The following ZFYVE9 variants were observed in gnomAD, a reference collection of about 807,000 sequenced individuals.
ZFYVE9 encodes zinc finger FYVE-type containing 9.
ZFYVE9 carries 43 observed loss-of-function variants against 126.7 expected under a neutral mutation model. The observed-to-expected ratio is 0.34, with a 90% CI of 0.27 to 0.44. ZFYVE9 has a LOEUF of 0.44. Ranked by LOEUF, ZFYVE9 falls within the 20% of genes least tolerant of loss-of-function variation. The probability of loss-of-function intolerance (pLI) is 1.00; values close to 1 mark genes in which losing one functional copy is unlikely to be tolerated. For missense variants in ZFYVE9, 1,476 were observed against 1,697.0 expected, an observed-to-expected ratio of 0.87 and a Z score of 2.29; for synonymous variants, 521 against 597.4, an observed-to-expected ratio of 0.87 and a Z score of 1.87.
At chr1:52,169,438 C>T (rs1369410557) in intron 1 of ZFYVE9, among the ~76,000 whole-genome samples, 1 of 152,036 alleles carries the variant, frequency 6.6e-6, no homozygotes, top group Non-Finnish European at 1.5e-5. Context: ...AAATTTTCCT[C>T]TCTCTTTATT....
At chr1:52,299,285 G>A (rs1195306281) in intron 12 of ZFYVE9, among the ~76,000 whole-genome samples, 4 of 151,966 alleles carry the variant, frequency 2.6e-5, no homozygotes, top group Admixed American at 2.0e-4. Flanking sequence ...CAACTTTACC[G>A]AATTTGTTCA....
chr1:52,324,410 A>G (rs111393111), intron 13 of ZFYVE9, among the ~76,000 whole-genome samples: 7 of 152,370 alleles, frequency 4.6e-5, no homozygotes, highest in African/African-American at 1.7e-4. Flanking sequence ...GTACGTATTT[A>G]CATTTTTCTT....
At chr1:52,305,780 C>T (rs1394748669) in intron 13 of ZFYVE9, among the ~76,000 whole-genome samples, 2 of 152,118 alleles carry the variant, frequency 1.3e-5, no homozygotes, top group Admixed American at 6.5e-5. Flanking sequence ...TTGGGAAGGC[C>T]CCCCTCCCTT....
chr1:52,249,249 C>G (rs1332234198), intron 4 of ZFYVE9, among the ~76,000 whole-genome samples: 1 of 152,154 alleles, frequency 6.6e-6, no homozygotes, highest in Non-Finnish European at 1.5e-5. Context: ...CATAAATTAT[C>G]CAGTCTCCAG....
At chr1:52,208,279 G>T (rs1403970305) in intron 1 of ZFYVE9, among the ~76,000 whole-genome samples, 1 of 152,146 alleles carries the variant, frequency 6.6e-6, no homozygotes, top group Non-Finnish European at 1.5e-5. Context: ...TGTTCATTTG[G>T]ATTAAATATC....
chr1:52,184,393 A>AT (rs57242903), intron 1 of ZFYVE9, among the ~76,000 whole-genome samples: 5,873 of 114,930 alleles, frequency 0.051, 309 homozygotes, highest in African/African-American at 0.14. Context: ...AGTCCAGCTA[A>AT]TTTTTTTTTT....
At chr1:52,177,918 C>G (rs1041620140) in intron 1 of ZFYVE9, among the ~76,000 whole-genome samples, 1 of 150,374 alleles carries the variant, frequency 6.7e-6, no homozygotes, top group African/African-American at 2.4e-5. Context: ...TTATGAAAGA[C>G]TTCATATACT....
chr1:52,226,094 A>G (rs1446206781), intron 2 of ZFYVE9, among the ~76,000 whole-genome samples: 2 of 152,178 alleles, frequency 1.3e-5, no homozygotes, highest in Non-Finnish European at 2.9e-5. Flanking sequence ...AAGTTTACAT[A>G]GCATGCAGGG....
chr1:52,286,487 G>A (rs1278300195), intron 10 of ZFYVE9, among the ~76,000 whole-genome samples: 1 of 152,172 alleles, frequency 6.6e-6, no homozygotes, highest in African/African-American at 2.4e-5. Context: ...ATTCTGCAGT[G>A]GAGGGAAACA....
chr1:52,182,559 G>A (rs906198794), intron 1 of ZFYVE9, among the ~76,000 whole-genome samples: 1 of 151,964 alleles, frequency 6.6e-6, no homozygotes. Context: ...CAGCATGCTT[G>A]TTAAGAGTCA....
chr1:52,326,693 CAAAA>C (rs34479038), intron 13 of ZFYVE9, among the ~76,000 whole-genome samples: 3 of 102,934 alleles, frequency 2.9e-5, no homozygotes, highest in South Asian at 3.5e-4. Context: ...TACTCAATAC[CAAAA>C]AAAAAAAAAA....
At chr1:52,153,865 C>G (rs1163052294) in intron 1 of ZFYVE9, among the ~76,000 whole-genome samples, 1 of 152,182 alleles carries the variant, frequency 6.6e-6, no homozygotes, top group Admixed American at 6.5e-5. Flanking sequence ...ATTTCCCTTT[C>G]CACTTCTTGG....
intron 4 of ZFYVE9, among the ~76,000 whole-genome samples, chr1:52,242,108 T>G (rs1645340327): frequency 6.7e-6 from 1 of 148,658 alleles, no homozygotes; most frequent in Non-Finnish European, 1.5e-5. Context: ...CTCAGTTCAC[T>G]GCAACCTCTG....
chr1:52,215,341 A>G (rs952667660), intron 1 of ZFYVE9, among the ~76,000 whole-genome samples: 2 of 152,134 alleles, frequency 1.3e-5, no homozygotes, highest in Non-Finnish European at 2.9e-5. Flanking sequence ...ATATTTTTCT[A>G]GTTCTCAAGA....
At position 52,285,389 on chromosome 1, in the gene ZFYVE9, A is replaced by G. The variant is rs370643487; in HGVS notation, c.3025+3573A>G. On this transcript the variant is annotated intron_variant, in intron 10 of 18. Transcript: ENST00000287727. ...ATTGGTCCGTGGCCTGTTAGGAACC[A>G]GGCCACACAGCAGAGGTGAGGGGCA... Among the ~76,000 whole-genome samples, 4 of 152,282 alleles carry G rather than the reference A, an allele frequency of 2.6e-5. No individual in the cohort carries two copies. The East Asian group carries it at 7.7e-4, about 29-fold the overall frequency.
intron 8 of ZFYVE9, among the ~76,000 whole-genome samples, chr1:52,276,022 C>T (rs1162451162): frequency 3.3e-5 from 5 of 151,616 alleles, no homozygotes; most frequent in African/African-American, 1.2e-4. Flanking sequence ...GTTCTCCTGC[C>T]TCAGTCTCCT....
intron 1 of ZFYVE9, among the ~76,000 whole-genome samples, chr1:52,144,241 C>T (rs957690223): frequency 1.3e-5 from 2 of 152,116 alleles, no homozygotes; most frequent in African/African-American, 4.8e-5. Context: ...ATCATTTGAA[C>T]CTGGGAGGCA....
intron 1 of ZFYVE9, among the ~76,000 whole-genome samples, chr1:52,151,579 G>C (rs189770091): frequency 1.1e-3 from 164 of 149,426 alleles, no homozygotes; most frequent in Admixed American, 0.011. Context: ...GCAGTGGTGT[G>C]GTCTCGGCTC....
chr1:52,336,165 G>T (rs565655746), intron 15 of ZFYVE9, among the ~76,000 whole-genome samples: 1 of 151,966 alleles, frequency 6.6e-6, no homozygotes, highest in South Asian at 2.1e-4. Flanking sequence ...CTTAGGGCTG[G>T]ATTCCAGTGT....
Sources: allele counts gnomAD v4.1 joint callset (sites outside exome capture counted in the v4.1 genomes callset), GRCh38; gene constraint gnomAD v4.1.1; transcripts MANE v1.5; gene names NCBI Gene and HGNC (gene_info 2026-07-23, HGNC 2026-07-21).